RBFOX1: variants seen among roughly 807,000 people sequenced by gnomAD.
RBFOX1 encodes RNA binding protein fox-1 homolog 1.
A neutral mutation model predicts 57.7 loss-of-function variants in RBFOX1; 8 were observed. That is an observed-to-expected ratio of 0.14 (90% confidence interval 0.08 to 0.25). The LOEUF (loss-of-function observed/expected upper bound fraction) is 0.25, where lower values mean the gene tolerates loss of function less well. Ranked by LOEUF, RBFOX1 falls within the 10% of genes least tolerant of loss-of-function variation. The pLI is 1.00. For missense variants in RBFOX1, 611 were observed against 548.5 expected (o/e 1.11, Z -1.14); for synonymous variants, 326 against 222.4 (o/e 1.47, Z -4.15).
intron 3 of RBFOX1, among the ~76,000 whole-genome samples, chr16:5,810,061 A>G (rs2055365542): frequency 6.6e-6 from 1 of 152,128 alleles, no homozygotes; most frequent in Non-Finnish European, 1.5e-5. Flanking sequence ...CATTCTCAGT[A>G]AACTATCGCA....
intron 4 of RBFOX1, among the ~76,000 whole-genome samples, chr16:5,874,119 C>T (rs1402296878): frequency 6.6e-6 from 1 of 152,110 alleles, no homozygotes; most frequent in African/African-American, 2.4e-5. Flanking sequence ...GGGTCAGGAC[C>T]CATGGCACTG....
At chr16:6,972,092 C>T (rs1427057312) in intron 3 of RBFOX1, among the ~76,000 whole-genome samples, 1 of 152,114 alleles carries the variant, frequency 6.6e-6, no homozygotes, top group African/African-American at 2.4e-5. Flanking sequence ...ATTTTTTTCC[C>T]ATTGTGCTAA....
At chr16:5,860,111 C>G (rs1004414877) in intron 3 of RBFOX1, among the ~76,000 whole-genome samples, 7 of 152,136 alleles carry the variant, frequency 4.6e-5, no homozygotes, top group Admixed American at 6.5e-5. Context: ...GTGATGGAGT[C>G]TCACTCTGTC....
chr16:5,572,156 G>A (rs372835755), intron 2 of RBFOX1, among the ~76,000 whole-genome samples: 42 of 152,174 alleles, frequency 2.8e-4, no homozygotes, highest in Middle Eastern at 3.2e-3. Context: ...TAGGTGGTCC[G>A]TGGAGCCATA....
At chr16:6,008,117 G>A (rs1296608905) in intron 4 of RBFOX1, among the ~76,000 whole-genome samples, 1 of 152,104 alleles carries the variant, frequency 6.6e-6, no homozygotes, top group Non-Finnish European at 1.5e-5. Context: ...AAGCAGGAGG[G>A]TCACTTGAAC....
chr16:5,260,175 G>A (rs1241464311), intron 1 of RBFOX1, among the ~76,000 whole-genome samples: 1 of 152,162 alleles, frequency 6.6e-6, no homozygotes. Context: ...ACTCCAATGT[G>A]GGTGACGATT....
rs1224304397 is a variant in RBFOX1, at chr16:5,908,434, C to T, written c.351+41099C>T. On this transcript the variant is annotated intron_variant, in intron 4 of 19. Coordinates refer to the RBFOX1 transcript ENST00000641259. ...GTAGTGCGATCTTGGCTCACTACAT[C>T]CTCTGCCTCCCGGTTTCAGGTGATT... Among the ~76,000 whole-genome samples the T allele has an allele frequency of 2.0e-5, 3 of 151,450 alleles. No individual in the cohort carries two copies. The East Asian group carries it at 5.8e-4, about 29-fold the overall frequency.
chr16:5,948,730 C>G (rs1471614300), intron 4 of RBFOX1, among the ~76,000 whole-genome samples: 1 of 152,142 alleles, frequency 6.6e-6, no homozygotes, highest in East Asian at 1.9e-4. Context: ...ACCAACCCTA[C>G]CAGTGCTTTG....
At chr16:5,799,829 A>G (rs2055002526) in intron 3 of RBFOX1, among the ~76,000 whole-genome samples, 1 of 152,180 alleles carries the variant, frequency 6.6e-6, no homozygotes, top group African/African-American at 2.4e-5. Flanking sequence ...GCCTCTACCT[A>G]TTCAACAAAT....
At position 7,384,986 on chromosome 16, in the gene RBFOX1, C is replaced by T. The variant is rs534074948; in HGVS notation, c.28-133161C>T. Among the ~76,000 whole-genome samples the T allele has an allele frequency of 4.6e-5, 7 of 152,260 alleles. No homozygotes were observed. The East Asian group carries it at 1.4e-3, about 29-fold the overall frequency. On this transcript the variant is annotated intron_variant, in intron 4 of 15. Coordinates refer to ENST00000550418, the MANE Select transcript of RBFOX1 (RefSeq NM_018723.4). ...GAGGTAAGTTGACATTTAAGCTGAG[C>T]TCGCAATGGCAAATCATGCCAAGGC... is the stretch of plus-strand genomic sequence containing the variant.
chr16:6,019,939 TC>T lies in RBFOX1; in HGVS notation c.-179del, dbSNP rs1354767040. The T allele has an allele frequency of 6.5e-7, 1 of 1,534,246 alleles. No individual in the cohort carries two copies. Among genetic ancestry groups the T allele is most frequent in the Non-Finnish European group, 8.7e-7 (1 of 1,146,142 alleles). On this transcript the variant is annotated 5_prime_UTR_variant, in exon 1 of 16. It removes the in-frame stop codon of an upstream open reading frame in the 5' UTR. Coordinates refer to ENST00000550418, the MANE Select transcript of RBFOX1 (RefSeq NM_018723.4). The surrounding 1 kb of genome is among the most constrained non-coding windows in gnomAD (Gnocchi z 4.2). Reference sequence around the variant, plus strand: ...GGGGGTGCAGAGAGCGCACGGGAATTCGGGGGTCTGGGGCCGAGAACGTGAC... The same window carrying T: ...GGGGGTGCAGAGAGCGCACGGGAATTGGGGGTCTGGGGCCGAGAACGTGAC...
In RBFOX1 at chr16:7,443,456, C is replaced by T. The variant is rs532597748; in HGVS notation, c.28-74691C>T. 6.6e-5 allele frequency among the ~76,000 whole-genome samples: 10 copies of T among 151,450 alleles called. No homozygotes were observed. The East Asian group carries it at 2.0e-3, about 30-fold the overall frequency. ...CCCTCTTTCTTTGCCCCCTCCCCCT[C>T]TCTTATAAGATTTCAGTTCAGCGTT... On this transcript the variant is annotated intron_variant, in intron 4 of 15. Coordinates refer to ENST00000550418, the MANE Select transcript of RBFOX1 (RefSeq NM_018723.4).
chr16:6,885,780 C>T (rs566889917), intron 3 of RBFOX1, among the ~76,000 whole-genome samples: 54 of 152,318 alleles, frequency 3.5e-4, no homozygotes, highest in South Asian at 1.0e-3. Flanking sequence ...ATTCACCTGC[C>T]TTGGCCTCCC....
At chr16:7,036,547 G>A (rs781389444) in intron 3 of RBFOX1, among the ~76,000 whole-genome samples, 2 of 151,982 alleles carry the variant, frequency 1.3e-5, no homozygotes, top group Non-Finnish European at 2.9e-5. Flanking sequence ...AGAAAAATTA[G>A]CTGGATACTG....
chr16:6,652,402 C>G (rs558199717), intron 2 of RBFOX1, among the ~76,000 whole-genome samples: 6 of 152,014 alleles, frequency 3.9e-5, no homozygotes, highest in African/African-American at 1.2e-4. Context: ...GAGCCAAGAT[C>G]TCGCCACTGC....
intron 3 of RBFOX1, among the ~76,000 whole-genome samples, chr16:5,738,579 T>C (rs1002713597): frequency 7.0e-6 from 1 of 143,542 alleles, no homozygotes; most frequent in African/African-American, 2.6e-5. Context: ...GGTTGCCATG[T>C]GCCGAGATTG....
intron 4 of RBFOX1, among the ~76,000 whole-genome samples, chr16:7,465,915 C>T (rs984158088): frequency 1.2e-4 from 19 of 152,180 alleles, no homozygotes; most frequent in African/African-American, 4.6e-4. Context: ...TCTCATGGTG[C>T]TTCTCTAAGC....
At chr16:5,272,821 T>C (rs1242771454) in intron 1 of RBFOX1, among the ~76,000 whole-genome samples, 5 of 152,172 alleles carry the variant, frequency 3.3e-5, no homozygotes, top group Non-Finnish European at 5.9e-5. Flanking sequence ...ATTTTGCAGA[T>C]AACCTTCACT....
chr16:5,389,868 T>G (rs1304104191), intron 1 of RBFOX1, among the ~76,000 whole-genome samples: 3 of 151,880 alleles, frequency 2.0e-5, no homozygotes, highest in Admixed American at 6.6e-5. Context: ...CAGCTAATTT[T>G]TGTATTTTTG....
Sources: allele counts gnomAD v4.1 joint callset (sites outside exome capture counted in the v4.1 genomes callset), GRCh38; gene constraint gnomAD v4.1.1; non-coding constraint Gnocchi (gnomAD v3.1); transcripts MANE v1.5; gene names NCBI Gene and HGNC (gene_info 2026-07-23, HGNC 2026-07-21).